The following TRAF2 variants were observed in gnomAD, a reference collection of about 807,000 sequenced individuals.
TRAF2 encodes TNF receptor associated factor 2, also known as TNF receptor-associated factor 2.
A neutral mutation model predicts 55.6 loss-of-function variants in TRAF2; 6 were observed. The ratio of observed to expected loss-of-function variants is 0.11; its 90% CI spans 0.06 to 0.21. The LOEUF is 0.21. TRAF2 is among the 10% of genes least tolerant of loss of function. The pLI is 1.00. For missense variants in TRAF2, 561 were observed against 684.5 expected (o/e 0.82, Z 2.01); for synonymous variants, 329 against 276.3 (o/e 1.19, Z -1.89).
rs149686627 is a variant in TRAF2, at chr9:136,916,606, C to T, written c.669C>T (p.Cys223=). Residue 223 remains cysteine, a synonymous_variant, in exon 7 of 11, where the codon TGC becomes TGT. Coordinates refer to ENST00000247668, the MANE Select transcript of TRAF2 (RefSeq NM_021138.4). The part of the protein sequence containing the change: ...RVPCRFHAIG[C]LETVEGEKQQ... The stretch of plus-strand genomic sequence containing the variant: ...CTTGCAGATTCCACGCCATCGGCTG[C>T]CTCGAGACGGTGAGTCGGGGGGTCT... 4.9e-4 allele frequency: 790 copies of T among 1,613,772 alleles called. No individual in the cohort carries two copies. Among genetic ancestry groups the T allele is most frequent in the Non-Finnish European group, 5.9e-4 (697 of 1,179,974 alleles).
Position 136,900,424 on chromosome 9 carries a change from C to T in TRAF2, c.270C>T (p.Ala90=). 6.3e-7 allele frequency: 1 copy of T among 1,595,696 alleles called. No individual in the cohort carries two copies. The highest frequency in any genetic ancestry group is 8.5e-7 in the Non-Finnish European group (1 of 1,169,604). ...EGISILESSS[A]FPDNAARREV... The stretch of plus-strand genomic sequence containing the variant: ...CCGAGGGATATTCCTCTCCCCAGGC[C>T]TTCCCAGATAATGCTGCCCGCAGGG... The change falls in exon 4 of 11, where the codon GCC becomes GCT. Residue 90 remains alanine, a splice_region_variant and synonymous_variant. Transcript: ENST00000247668.
rs3034879 is a variant in TRAF2 at position 136,926,480 on chromosome 9, GA to G, written c.*580del. ...CACCTTGGCCAGGCTGGCTGTGGGA[GA>G]GGGTCTGGTCCCACGCCGCCTCTGC... On this transcript the variant is annotated 3_prime_UTR_variant, in exon 11 of 11. Coordinates refer to ENST00000247668, the MANE Select transcript of TRAF2 (RefSeq NM_021138.4). 1 of 93,616 alleles carries G rather than the reference GA, an allele frequency of 1.1e-5. No homozygotes were observed. Among genetic ancestry groups the G allele is most frequent in the Non-Finnish European group, 1.9e-5 (1 of 53,990 alleles). 5.8% of individuals were successfully genotyped at this position (93,616 alleles called of 1,614,324 possible).
intron 1 of TRAF2, among the ~76,000 whole-genome samples, chr9:136,896,026 T>C (rs938824101): frequency 6.6e-6 from 1 of 152,056 alleles, no homozygotes; most frequent in African/African-American, 2.4e-5. Flanking sequence ...GCCGACACCA[T>C]GCCCCTGTCC....
At chr9:136,919,478 A>G (rs1850329911) in intron 7 of TRAF2, among the ~76,000 whole-genome samples, 1 of 151,682 alleles carries the variant, frequency 6.6e-6, no homozygotes, top group African/African-American at 2.4e-5. Context: ...TATTTTTAGT[A>G]GAGACAGGGT....
At chr9:136,900,560 G>A in intron 4 of TRAF2, 40 bp downstream of exon 4, 1 of 1,561,476 alleles carries the variant, frequency 6.4e-7, no homozygotes, top group Non-Finnish European at 8.8e-7. Flanking sequence ...AGAAGCTCCA[G>A]CAGTCGGGAG....
intron 1 of TRAF2, among the ~76,000 whole-genome samples, chr9:136,889,211 T>C (rs1158736286): frequency 6.7e-6 from 1 of 149,438 alleles, no homozygotes; most frequent in Non-Finnish European, 1.5e-5. Context: ...GTTTGTGTGG[T>C]TTTTTCTGTT....
intron 9 of TRAF2, among the ~76,000 whole-genome samples, chr9:136,923,636 CTTT>C (rs1405530359): frequency 2.6e-4 from 30 of 114,318 alleles, no homozygotes; most frequent in Admixed American, 2.2e-3. Context: ...AAAAAAAAAA[CTTT>C]TTCTAAGTAC....
intron 1 of TRAF2, among the ~76,000 whole-genome samples, chr9:136,893,137 C>T (rs902736341): frequency 4.6e-5 from 7 of 152,208 alleles, no homozygotes; most frequent in Admixed American, 2.0e-4. Flanking sequence ...GGAACATCCA[C>T]ATAGCTCTGC....
At chr9:136,918,266 AT>A (rs1339521238) in intron 7 of TRAF2, among the ~76,000 whole-genome samples, 4 of 15,732 alleles carry the variant, frequency 2.5e-4, no homozygotes, top group African/African-American at 7.8e-4. Flanking sequence ...TATTTATTTA[AT>A]TAATTAATTT....
chr9:136,926,398 A>T lies in TRAF2; in HGVS notation c.*497A>T. ...TGGTTCTCCCCTCTGGCCCCTGGAG[A>T]GAAGGGAGCATTCCTAGACCCCTGG... On this transcript the variant is annotated 3_prime_UTR_variant, in exon 11 of 11. Coordinates refer to ENST00000247668, the MANE Select transcript of TRAF2 (RefSeq NM_021138.4). The T allele has an allele frequency of 3.7e-6, 1 of 272,410 alleles. No homozygotes were observed. The highest frequency in any genetic ancestry group is 2.9e-5 in the African/African-American group (1 of 34,354). The allele number at this position is 272,410 out of a possible 1,614,324, so 16.9% of individuals were successfully genotyped here. A position where few individuals can be genotyped will look rare whatever the true frequency, so the allele number is the denominator to read the frequency against.
chr9:136,882,546 C>A, upstream of TRAF2: 1 of 441,704 alleles, frequency 2.3e-6, no homozygotes, highest in Non-Finnish European at 3.0e-6. Context: ...CCTGCTCCTG[C>A]AACCCCCATC....
At position 136,925,677 on chromosome 9, in the gene TRAF2, C is replaced by T; in HGVS notation, c.1288-6C>T. ...TGTGTCCCCTCCCTGGGGCTCTCTC[C>T]TCCAGGTGACCTTAATGCTGCTCGA... is the stretch of plus-strand genomic sequence containing the variant. On this transcript the variant is annotated splice_region_variant and splice_polypyrimidine_tract_variant and intron_variant, in intron 10 of 10. Transcript: ENST00000247668. 1 of 1,613,882 alleles carries T rather than the reference C, an allele frequency of 6.2e-7. No individual in the cohort carries two copies. Among genetic ancestry groups the T allele is most frequent in the Non-Finnish European group, 8.5e-7 (1 of 1,179,972 alleles).
chr9:136,912,002 A>G (rs945880593), intron 6 of TRAF2, among the ~76,000 whole-genome samples: 2 of 150,838 alleles, frequency 1.3e-5, no homozygotes, highest in African/African-American at 2.4e-5. Context: ...GGCGCCTGCC[A>G]CCATGCCCGG....
At chr9:136,922,558 G>A (rs10283820) in intron 9 of TRAF2, 71,912 of 155,262 alleles carry the variant, frequency 0.46, 17,632 homozygotes, top group African/African-American at 0.63. Flanking sequence ...GCTTGTGTGC[G>A]GCACGCGTGC....
intron 4 of TRAF2, among the ~76,000 whole-genome samples, chr9:136,906,600 G>A (rs998525650): frequency 6.6e-6 from 1 of 152,076 alleles, no homozygotes; most frequent in Non-Finnish European, 1.5e-5. Flanking sequence ...TTTGGGTGGG[G>A]ACACAGCCAA....
chr9:136,903,115 A>C (rs1164510073), intron 4 of TRAF2, among the ~76,000 whole-genome samples: 1 of 152,008 alleles, frequency 6.6e-6, no homozygotes, highest in Non-Finnish European at 1.5e-5. Context: ...ACATCCGGCT[A>C]ATTTTTTATA....
At chr9:136,903,455 G>A (rs555765180) in intron 4 of TRAF2, among the ~76,000 whole-genome samples, 44 of 152,196 alleles carry the variant, frequency 2.9e-4, no homozygotes, top group African/African-American at 9.9e-4. Context: ...TCGGCCTCAT[G>A]GACATTCTAG....
At chr9:136,907,835 G>C (rs1425245001) in intron 4 of TRAF2, among the ~76,000 whole-genome samples, 1 of 151,976 alleles carries the variant, frequency 6.6e-6, no homozygotes, top group Non-Finnish European at 1.5e-5. Flanking sequence ...CCCCATGGCA[G>C]AGCATCCCCT....
chr9:136,908,120 CA>C lies in TRAF2; in HGVS notation c.420del (p.Gly141AlafsTer21). 6.2e-7 allele frequency: 1 copy of C among 1,606,114 alleles called. No homozygotes were observed. On this transcript the variant is annotated frameshift_variant, in exon 5 of 11. Coordinates refer to ENST00000247668, the MANE Select transcript of TRAF2 (RefSeq NM_021138.4). LOFTEE classifies it high-confidence loss of function. ...PLMLTECPAC[K>X]GLVRLGEKER... ...TCATGCTGACCGAATGTCCCGCGTG[CA>C]AAGGCCTGGTCCGCCTTGGTGAAAA...
Sources: allele counts gnomAD v4.1 joint callset (sites outside exome capture counted in the v4.1 genomes callset), GRCh38; gene constraint gnomAD v4.1.1; transcripts MANE v1.5; gene names NCBI Gene and HGNC (gene_info 2026-07-23, HGNC 2026-07-21).